MYH1: variants seen among roughly 807,000 people sequenced by gnomAD.
MYH1 encodes the protein myosin heavy chain 1, also known as myosin-1.
A neutral mutation model predicts 225.6 loss-of-function variants in MYH1; 214 were observed. The ratio of observed to expected loss-of-function variants is 0.95; its 90% confidence interval spans 0.85 to 1.06. The LOEUF is 1.06. Among genes scored for constraint, MYH1 ranks in the 50% least tolerant of loss-of-function variants. The pLI, the probability that MYH1 is intolerant of heterozygous loss-of-function variation, is 0.00. For synonymous variants in MYH1, 774 were observed against 842.3 expected, an observed-to-expected ratio of 0.92 and a Z score of 1.40; for missense variants, 2,098 against 2,344.2, an observed-to-expected ratio of 0.89 and a Z score of 2.17.
Position 10,501,130 on chromosome 17 carries a change from C to A in MYH1, c.3718G>T (p.Glu1240Ter). 1.2e-6 allele frequency: 2 copies of A among 1,614,078 alleles called. No individual in the cohort carries two copies. Among genetic ancestry groups the A allele is most frequent in the Non-Finnish European group, 1.7e-6 (2 of 1,179,948 alleles). Residue 1240 changes from glutamate to a stop codon, truncating the protein, a stop_gained, in exon 27 of 40, where the codon GAG (glutamate) becomes TAG (stop). Transcript: ENST00000226207. LOFTEE classifies it high-confidence loss of function. ...TGTACCTTGGCTTTGGAGACAGTCT[C>A]CATGTTACTAGCAAGGTCATCGATC... ...MEIDDLASNM[E>*]TVSKAKGNLE...
chr17:10,517,702 A>G (rs1315032481), intron 2 of MYH1, among the ~76,000 whole-genome samples: 1 of 151,972 alleles, frequency 6.6e-6, no homozygotes, highest in African/African-American at 2.4e-5. Context: ...GTGTGTGTGT[A>G]TATATACATA....
In MYH1 at chr17:10,512,092, T is replaced by C; in HGVS notation, c.1248A>G (p.Lys416=). The part of the protein sequence containing the change: ...RVKVGNEYVT[K]GQTVQQVYNA... ...CACTTACCTGCTGCACAGTTTGACC[T>C]TTGGTGACATACTCATTGCCGACCT... The change falls in exon 13 of 40, where the codon AAA becomes AAG. Residue 416 remains lysine, a synonymous_variant. Transcript: ENST00000226207. The C allele has an allele frequency of 6.2e-7, 1 of 1,614,156 alleles. No individual in the cohort carries two copies.
At position 10,501,336 on chromosome 17, in the gene MYH1, C is replaced by T. The variant is rs144827751; in HGVS notation, c.3512G>A (p.Arg1171Gln). 9.3e-3 allele frequency: 15,008 copies of T among 1,614,164 alleles called. 99 individuals carry two copies. Among genetic ancestry groups the T allele is most frequent in the Non-Finnish European group, 0.01 (12,225 of 1,180,034 alleles). Residue 1171 changes from arginine (R) to glutamine (Q), a missense_variant, in exon 27 of 40, where the codon CGG (arginine) becomes CAG (glutamine). Transcript: ENST00000226207. ...GCGCATTTTCTGGAACTCAGCCTCC[C>T]GCTTCTTGTTCATCTCAATCTGGGC... is the stretch of plus-strand genomic sequence containing the variant. ...TSAQIEMNKK[R>Q]EAEFQKMRRD...
chr17:10,496,728 C>A (rs1375178138), intron 33 of MYH1, among the ~76,000 whole-genome samples, 179 bp from the exon 34 acceptor site: 1 of 152,200 alleles, frequency 6.6e-6, no homozygotes, highest in African/African-American at 2.4e-5. Flanking sequence ...CTAACACACA[C>A]ACTGTCTGCC....
At chr17:10,507,373 T>A (rs188562689) in intron 17 of MYH1, among the ~76,000 whole-genome samples, 3 of 152,342 alleles carry the variant, frequency 2.0e-5, no homozygotes, top group African/African-American at 7.2e-5. Flanking sequence ...GTAATTTTTT[T>A]AAAAGTGCTA....
At chr17:10,495,898 G>A in intron 35 of MYH1, 52 bp downstream of exon 35, 1 of 1,605,694 alleles carries the variant, frequency 6.2e-7, no homozygotes, top group Non-Finnish European at 8.5e-7. Flanking sequence ...ATTTCAGCAA[G>A]AATGTCATTT....
chr17:10,503,904 T>C (rs1425488965), intron 22 of MYH1, among the ~76,000 whole-genome samples: 3 of 152,242 alleles, frequency 2.0e-5, no homozygotes, highest in Non-Finnish European at 4.4e-5. Flanking sequence ...GATTATCTCC[T>C]GTTTCTTGAA....
rs1369558627 is a variant in MYH1 at position 10,497,415 on chromosome 17, T to C, written c.4403A>G (p.His1468Arg). ...AEWKQKCEET[H>R]AELEASQKES... is the part of the protein sequence containing the mutation. ...CTTTTGAGAAGCTTCAAGTTCAGCA[T>C]GAGTTTCTTCACACTTCTGTTTCCA... The change falls in exon 32 of 40, where the codon CAT (histidine) becomes CGT (arginine). Residue 1468 changes from histidine (H) to arginine (R), a missense_variant. Coordinates refer to ENST00000226207, the MANE Select transcript of MYH1 (RefSeq NM_005963.4). 1.2e-6 allele frequency: 2 copies of C among 1,611,750 alleles called. No individual in the cohort carries two copies. Among genetic ancestry groups the C allele is most frequent in the East Asian group, 4.5e-5 (2 of 44,896 alleles).
At chr17:10,502,576 A>G (rs2073069626) in intron 24 of MYH1, among the ~76,000 whole-genome samples, 162 bp downstream of exon 24, 1 of 152,122 alleles carries the variant, frequency 6.6e-6, no homozygotes, top group Non-Finnish European at 1.5e-5. Flanking sequence ...TAAAAACTTT[A>G]TTGTGTGTAC....
In MYH1 at chr17:10,505,453, C is replaced by T. The variant is rs1361512941; in HGVS notation, c.2233G>A (p.Ala745Thr). The change falls in exon 20 of 40, where the codon GCT becomes ACT. Residue 745 changes from alanine (A) to threonine (T), a missense_variant. Ala to Thr is a moderately conservative substitution (Grantham distance 58). Transcript: ENST00000226207. ...ATGGACCCCAGGAGCTTCTCTGAAG[C>T]CTTCTTGCTATCGATGAATTGTCCT... is the stretch of plus-strand genomic sequence containing the variant. ...PEGQFIDSKK[A>T]SEKLLGSIDI... 1.2e-6 allele frequency: 2 copies of T among 1,614,070 alleles called. No individual in the cohort carries two copies. The highest frequency in any genetic ancestry group is 8.5e-7 in the Non-Finnish European group (1 of 1,180,018).
Position 10,497,315 on chromosome 17 carries a change from G to A in MYH1, c.4503C>T (p.Thr1501=). The A allele has an allele frequency of 6.2e-7, 1 of 1,606,710 alleles. No individual in the cohort carries two copies. Among genetic ancestry groups the A allele is most frequent in the Non-Finnish European group, 8.5e-7 (1 of 1,178,284 alleles). Residue 1501 remains threonine (T), a synonymous_variant, in exon 32 of 40, where the codon ACC becomes ACT. Transcript: ENST00000226207. The part of the protein sequence containing the change: ...AYEESLDQLE[T]LKRENKNLQQ... Reference sequence around the variant, plus strand: ...GCAAATTCTTATTTTCCCGTTTCAAGGTTTCAAGTTGGTCTAAAGATTCCT... The same window carrying A: ...GCAAATTCTTATTTTCCCGTTTCAAAGTTTCAAGTTGGTCTAAAGATTCCT...
chr17:10,505,632 C>G (rs1408831847), intron 19 of MYH1, 121 bp from the exon 20 acceptor site: 7 of 1,376,632 alleles, frequency 5.1e-6, no homozygotes, highest in Non-Finnish European at 6.9e-6. Context: ...CATATCTACC[C>G]CTTTATCTAT....
rs149871803 is a variant in MYH1 at position 10,501,205 on chromosome 17, G to A, written c.3643C>T (p.Gln1215Ter). ...TTCTCCAGCTTCTGCTTCACTCGCT[G>A]CAGGTTGTCAATCTGCTCCCCAAGC... ...AELGEQIDNL[Q>*]RVKQKLEKEK... Residue 1215 changes from glutamine to a stop codon, truncating the protein, a stop_gained, in exon 27 of 40, where the codon CAG becomes TAG. Coordinates refer to ENST00000226207, the MANE Select transcript of MYH1 (RefSeq NM_005963.4). LOFTEE classifies it high-confidence loss of function. The A allele has an allele frequency of 1.1e-5, 17 of 1,614,008 alleles. No individual in the cohort carries two copies. The highest frequency in any genetic ancestry group is 1.4e-5 in the Non-Finnish European group (17 of 1,180,022).
intron 24 of MYH1, 48 bp downstream of exon 24, chr17:10,502,686 CTTAG>C (rs1418235836): frequency 1.2e-6 from 2 of 1,612,174 alleles, no homozygotes; most frequent in Non-Finnish European, 1.7e-6. Context: ...CTTATGCTTA[CTTAG>C]TTTGTTACAA....
At chr17:10,517,063 A>T (rs1029333636) in intron 2 of MYH1, among the ~76,000 whole-genome samples, 3 of 152,200 alleles carry the variant, frequency 2.0e-5, no homozygotes, top group Non-Finnish European at 4.4e-5. Flanking sequence ...TCCCAACTGG[A>T]TTATAAGCAC....
In MYH1 at chr17:10,509,735, C is replaced by T. The variant is rs532472654; in HGVS notation, c.1417-80G>A. On this transcript the variant is annotated intron_variant, in intron 14 of 39. Coordinates refer to ENST00000226207, the MANE Select transcript of MYH1 (RefSeq NM_005963.4). ...TGAAAGGGGTGTTTTTTTAGTTAGC[C>T]AAATTGCCCTCTTAGGATGGTATCG... 237 of 1,611,348 alleles carry T rather than the reference C, an allele frequency of 1.5e-4. 4 individuals are homozygous for T. The South Asian group carries it at 2.5e-3, about 17-fold the overall frequency.
In MYH1 at chr17:10,508,355, A is replaced by T; in HGVS notation, c.1897+8T>A. The T allele has an allele frequency of 6.3e-7, 1 of 1,589,104 alleles. No individual in the cohort carries two copies. The highest frequency in any genetic ancestry group is 8.6e-7 in the Non-Finnish European group (1 of 1,169,194). ...ATTAGGTAAAAGATTAATTATATTG[A>T]TAATTACCTGCTTCCGCTCCCGTTG... On this transcript the variant is annotated splice_region_variant and intron_variant, in intron 16 of 39. Coordinates refer to ENST00000226207, the MANE Select transcript of MYH1 (RefSeq NM_005963.4).
In MYH1 at chr17:10,514,371, G is replaced by A. The variant is rs536595849; in HGVS notation, c.534-247C>T. ...CTTTTTTTCTGGGTGCTGAGGCCTGGGCTTGAGGGGTCTGAAAAGCAGCTA... is the reference window on the plus strand; with the variant it reads ...CTTTTTTTCTGGGTGCTGAGGCCTGAGCTTGAGGGGTCTGAAAAGCAGCTA... On this transcript the variant is annotated intron_variant, in intron 6 of 39. Coordinates refer to ENST00000226207, the MANE Select transcript of MYH1 (RefSeq NM_005963.4). 3.5e-4 allele frequency among the ~76,000 whole-genome samples: 53 copies of A among 152,260 alleles called. 1 individual carries two copies. In the South Asian group the frequency reaches 0.011, roughly 30 times the overall value.
In MYH1 at chr17:10,508,797, C is replaced by T. The variant is rs1044201361; in HGVS notation, c.1588-125G>A. 6.5e-5 allele frequency: 89 copies of T among 1,373,292 alleles called. No homozygotes were observed. The East Asian group carries it at 6.9e-4, about 11-fold the overall frequency. 85.1% of individuals were successfully genotyped at this position (1,373,292 alleles called of 1,614,324 possible). On this transcript the variant is annotated intron_variant, in intron 15 of 39. Coordinates refer to ENST00000226207, the MANE Select transcript of MYH1 (RefSeq NM_005963.4). ...TAATTCTACAGAGTTAACGAAAACT[C>T]GTTCCTTTGGTCAGAAGTCATTAAC...
Sources: allele counts gnomAD v4.1 joint callset (sites outside exome capture counted in the v4.1 genomes callset), GRCh38; gene constraint gnomAD v4.1.1; transcripts MANE v1.5; gene names NCBI Gene and HGNC (gene_info 2026-07-23, HGNC 2026-07-21).